Variants in FIP1L1 observed in about 807,000 individuals in gnomAD.
The protein encoded by FIP1L1 is pre-mRNA 3'-end-processing factor FIP1.
FIP1L1 carries 21 observed loss-of-function variants against 84.6 expected under a neutral mutation model. The observed-to-expected ratio is 0.25, with a 90% CI of 0.18 to 0.36. The LOEUF is 0.36. Among genes scored for constraint, FIP1L1 ranks in the 10% least tolerant of loss-of-function variants. The pLI, the probability that FIP1L1 is intolerant of heterozygous loss-of-function variation, is 1.00. For synonymous variants in FIP1L1, 263 were observed against 242.3 expected (o/e 1.09, Z -0.80); for missense variants, 526 against 751.1 (o/e 0.70, Z 3.50).
intron 3 of FIP1L1, among the ~76,000 whole-genome samples, chr4:53,380,539 A>G (rs1261165912): frequency 6.6e-6 from 1 of 152,214 alleles, no homozygotes; most frequent in African/African-American, 2.4e-5. Flanking sequence ...GGTAGATTGT[A>G]TAATATGTGA....
At chr4:53,431,890 G>C (rs1766853749) in intron 13 of FIP1L1, among the ~76,000 whole-genome samples, 1 of 152,168 alleles carries the variant, frequency 6.6e-6, no homozygotes, top group Non-Finnish European at 1.5e-5. Flanking sequence ...GAGGAGAAAT[G>C]TATTGCCTCC....
At chr4:53,395,975 A>G (rs1232622996) in intron 9 of FIP1L1, among the ~76,000 whole-genome samples, 1 of 151,462 alleles carries the variant, frequency 6.6e-6, no homozygotes, top group Admixed American at 6.6e-5. Context: ...CTGGAGTGCA[A>G]TGGTGTGATC....
intron 13 of FIP1L1, chr4:53,440,527 C>G (rs1771441396): frequency 4.4e-6 from 5 of 1,145,308 alleles, no homozygotes; most frequent in Non-Finnish European, 6.4e-6. Context: ...GGCATAAATA[C>G]ATAACAGGTT....
At chr4:53,434,339 G>A (rs1381912509) in intron 13 of FIP1L1, among the ~76,000 whole-genome samples, 1 of 152,034 alleles carries the variant, frequency 6.6e-6, no homozygotes, top group African/African-American at 2.4e-5. Flanking sequence ...TTTACTATGT[G>A]GCTTAGTAGA....
At chr4:53,424,655 G>T (rs1763645570) in intron 11 of FIP1L1, among the ~76,000 whole-genome samples, 2 of 152,084 alleles carry the variant, frequency 1.3e-5, no homozygotes, top group African/African-American at 4.8e-5. Context: ...GGCTGTCTTT[G>T]TTAGCACAAA....
chr4:53,440,508 T>C (rs867800635), intron 13 of FIP1L1: 1 of 925,178 alleles, frequency 1.1e-6, no homozygotes, highest in Middle Eastern at 2.8e-4. Flanking sequence ...CAAAGTTTGT[T>C]TTGGTGATGG....
intron 15 of FIP1L1, among the ~76,000 whole-genome samples, chr4:53,451,196 C>G (rs1715686694): frequency 6.6e-6 from 1 of 151,846 alleles, no homozygotes; most frequent in Non-Finnish European, 1.5e-5. Flanking sequence ...TTCTCGAACT[C>G]CTGACCTCAG....
chr4:53,399,774 T>A lies in FIP1L1; in HGVS notation c.750T>A (p.Leu250=). The change falls in exon 10 of 18, where the codon CTT becomes CTA. Residue 250 remains leucine, a synonymous_variant. Coordinates refer to ENST00000337488, the MANE Select transcript of FIP1L1 (RefSeq NM_030917.4). Reference sequence around the variant, plus strand: ...GAAACTCAGAGAAAGAAACTGCCCTTCCATCTACAAAAGCTGAGTTTACTT... The same window carrying A: ...GAAACTCAGAGAAAGAAACTGCCCTACCATCTACAAAAGCTGAGTTTACTT... ...RTGNSEKETA[L]PSTKAEFTSP... The A allele has an allele frequency of 6.2e-7, 1 of 1,613,806 alleles. No homozygotes were observed. The highest frequency in any genetic ancestry group is 8.5e-7 in the Non-Finnish European group (1 of 1,179,836).
chr4:53,439,128 C>G (rs796962525), intron 13 of FIP1L1, among the ~76,000 whole-genome samples: 4 of 152,214 alleles, frequency 2.6e-5, no homozygotes, highest in African/African-American at 9.6e-5. Flanking sequence ...ATATTAAAAA[C>G]ATTTAATGAT....
intron 11 of FIP1L1, among the ~76,000 whole-genome samples, chr4:53,420,212 A>AAAAACAAAC (rs1761710589): frequency 1.4e-5 from 2 of 142,964 alleles, no homozygotes; most frequent in African/African-American, 5.5e-5. Flanking sequence ...AAAAAAAAAA[A>AAAAACAAAC]AAAAAAAAAA....
intron 10 of FIP1L1, among the ~76,000 whole-genome samples, chr4:53,400,071 A>T (rs1407736820): frequency 6.6e-6 from 1 of 152,206 alleles, no homozygotes; most frequent in Non-Finnish European, 1.5e-5. Context: ...ATGAATAAAG[A>T]GACAATCTTA....
In FIP1L1 at chr4:53,431,007, G is replaced by A. The variant is rs1216428409; in HGVS notation, c.1174+2824G>A. ...TACTTTTAGTAGAATGTGAGCTGTT[G>A]GGGAGCGTACAGGCTATGTATTTCT... On this transcript the variant is annotated intron_variant, in intron 13 of 17. Transcript: ENST00000337488. 2.6e-5 allele frequency among the ~76,000 whole-genome samples: 4 copies of A among 152,284 alleles called. No individual in the cohort carries two copies. The East Asian group carries it at 7.7e-4, about 29-fold the overall frequency.
intron 11 of FIP1L1, 33 bp downstream of exon 11, chr4:53,414,755 G>T: frequency 1.5e-6 from 2 of 1,352,690 alleles, no homozygotes; most frequent in East Asian, 2.3e-5. Context: ...GATACTCCCT[G>T]ATGTTTAGAT....
intron 13 of FIP1L1, chr4:53,440,578 T>C: frequency 6.6e-7 from 1 of 1,505,816 alleles, no homozygotes; most frequent in Non-Finnish European, 9.1e-7. Context: ...CACTTGTTTT[T>C]TAGGTATTCC....
chr4:53,383,273 A>G (rs1333648615), intron 4 of FIP1L1, among the ~76,000 whole-genome samples: 2 of 152,198 alleles, frequency 1.3e-5, no homozygotes, highest in Admixed American at 6.5e-5. Context: ...CTTTATTCAT[A>G]GTCTTATCCT....
At chr4:53,385,550 C>G (rs1304737514) in intron 5 of FIP1L1, among the ~76,000 whole-genome samples, 3 of 152,072 alleles carry the variant, frequency 2.0e-5, no homozygotes, top group African/African-American at 7.2e-5. Flanking sequence ...CTATTCCTCA[C>G]ATTGCCTTAA....
intron 12 of FIP1L1, among the ~76,000 whole-genome samples, chr4:53,427,664 A>G (rs2150005244): frequency 6.6e-6 from 1 of 152,312 alleles, no homozygotes; most frequent in East Asian, 1.9e-4. Context: ...CCTTAATTGA[A>G]TACTTCAACT....
intron 9 of FIP1L1, among the ~76,000 whole-genome samples, chr4:53,395,308 C>T (rs891779124): frequency 6.6e-6 from 1 of 152,152 alleles, no homozygotes; most frequent in Non-Finnish European, 1.5e-5. Context: ...GAAACACGGG[C>T]AATTTTTGTG....
chr4:53,441,809 A>C (rs7678953), intron 13 of FIP1L1, among the ~76,000 whole-genome samples: 1 of 151,796 alleles, frequency 6.6e-6, no homozygotes, highest in African/African-American at 2.4e-5. Context: ...GAATTGTAGT[A>C]TGAGAGACTT....
Sources: allele counts gnomAD v4.1 joint callset (sites outside exome capture counted in the v4.1 genomes callset), GRCh38; gene constraint gnomAD v4.1.1; transcripts MANE v1.5; gene names NCBI Gene and HGNC (gene_info 2026-07-23, HGNC 2026-07-21).